MID1: variants seen among roughly 807,000 people sequenced by gnomAD.
MID1 encodes the protein midline 1, also known as E3 ubiquitin-protein ligase Midline-1.
MID1 carries 7 observed loss-of-function variants against 40.4 expected under a neutral mutation model. That is an observed-to-expected ratio of 0.17 (90% CI 0.10 to 0.33). The LOEUF (loss-of-function observed/expected upper bound fraction) is 0.33, where lower values mean the gene tolerates loss of function less well. Among genes scored for constraint, MID1 ranks in the 10% least tolerant of loss-of-function variants. MID1 has a pLI of 1.00. For missense variants in MID1, 367 were observed against 558.5 expected (o/e 0.66, Z 3.46); for synonymous variants, 229 against 221.2 (o/e 1.04, Z -0.31).
At chrX:10,749,034 G>A (rs888803120) in intron 1 of MID1, among the ~76,000 whole-genome samples, 4 of 111,453 alleles carry the variant, frequency 3.6e-5, no homozygotes, top group African/African-American at 6.5e-5. Flanking sequence ...GTGCATAGCT[G>A]CACTGCATAG....
chrX:10,735,625 G>A (rs907357517), intron 1 of MID1, among the ~76,000 whole-genome samples: 4 of 112,020 alleles, frequency 3.6e-5, no homozygotes, highest in South Asian at 3.7e-4. Flanking sequence ...CTTATCCTTC[G>A]AACTTCAAAA....
intron 1 of MID1, among the ~76,000 whole-genome samples, chrX:10,783,313 C>T (rs1569169026): frequency 9.0e-6 from 1 of 111,658 alleles, no homozygotes; most frequent in Non-Finnish European, 1.9e-5. Flanking sequence ...TTAAATTTAT[C>T]CATTTTTTAA....
intron 2 of MID1, among the ~76,000 whole-genome samples, chrX:10,534,668 C>T (rs1933173529): frequency 9.0e-6 from 1 of 111,504 alleles, no homozygotes; most frequent in African/African-American, 3.3e-5. Flanking sequence ...AGGAAAGGTT[C>T]GTAGCTTTCA....
intron 7 of MID1, among the ~76,000 whole-genome samples, chrX:10,462,378 C>G (rs1192768391): frequency 1.8e-5 from 2 of 111,955 alleles, no homozygotes; most frequent in African/African-American, 6.5e-5. Flanking sequence ...GCCAGCACCA[C>G]CTAACTTCTT....
At chrX:10,629,254 G>T (rs1936027560) in intron 1 of MID1, among the ~76,000 whole-genome samples, 1 of 109,875 alleles carries the variant, frequency 9.1e-6, no homozygotes, top group Admixed American at 9.6e-5. Context: ...CTGTTGTGCA[G>T]TGGCGTGATC....
intron 1 of MID1, among the ~76,000 whole-genome samples, chrX:10,831,966 T>C (rs1013315781): frequency 6.2e-5 from 7 of 112,574 alleles, no homozygotes; most frequent in African/African-American, 2.3e-4. Context: ...TTAAACCATC[T>C]GTTATTAACT....
intron 1 of MID1, 147 bp from the exon 2 acceptor site, chrX:10,567,750 C>A: frequency 2.3e-6 from 1 of 438,319 alleles, no homozygotes; most frequent in Non-Finnish European, 3.9e-6. Flanking sequence ...TTTCTATTCA[C>A]TGGGGAAAAA....
At chrX:10,772,853 T>C (rs2043779805) in intron 1 of MID1, among the ~76,000 whole-genome samples, 1 of 110,529 alleles carries the variant, frequency 9.0e-6, no homozygotes, top group Admixed American at 9.7e-5. Flanking sequence ...TGAGATATGT[T>C]GAATGATTTG....
chrX:10,459,921 T>G, intron 7 of MID1, 114 bp from the exon 8 acceptor site: 1 of 834,330 alleles, frequency 1.2e-6, no homozygotes, highest in South Asian at 2.1e-5. Flanking sequence ...GTGAAGTGCT[T>G]TGTCTTGGTA....
intron 1 of MID1, among the ~76,000 whole-genome samples, chrX:10,584,066 G>C (rs1935081040): frequency 9.1e-6 from 1 of 110,273 alleles, no homozygotes; most frequent in African/African-American, 3.3e-5. Flanking sequence ...GCAGGTTAGG[G>C]GCCTGGTATC....
Position 10,457,456 on chromosome X carries a change from C to T in MID1, c.1447+2190G>A, listed in dbSNP as rs755798652. Among the ~76,000 whole-genome samples, 5 of 112,329 alleles carry T rather than the reference C, an allele frequency of 4.5e-5. No homozygotes were observed. The Admixed American group carries it at 4.7e-4, about 11-fold the overall frequency. ...ATTAGTTCAAGAAAGAGATTAATAGCTTACTTTACTAAATAATTCAATTCA... is the reference window on the plus strand; with the variant it reads ...ATTAGTTCAAGAAAGAGATTAATAGTTTACTTTACTAAATAATTCAATTCA... On this transcript the variant is annotated intron_variant, in intron 8 of 9. Transcript: ENST00000317552.
At chrX:10,517,395 T>C (rs1416023218) in intron 3 of MID1, among the ~76,000 whole-genome samples, 1 of 112,332 alleles carries the variant, frequency 8.9e-6, no homozygotes, top group Non-Finnish European at 1.9e-5. Flanking sequence ...ATGGCCTTTT[T>C]GGAGTTTCCT....
chrX:10,533,101 T>A (rs1933041993), intron 2 of MID1, among the ~76,000 whole-genome samples: 2 of 109,482 alleles, frequency 1.8e-5, no homozygotes, highest in Non-Finnish European at 3.8e-5. Context: ...TAATTTTTTT[T>A]AAAATGAAAA....
chrX:10,593,760 C>T (rs1021620863), intron 1 of MID1, among the ~76,000 whole-genome samples: 4 of 82,085 alleles, frequency 4.9e-5, no homozygotes, highest in African/African-American at 1.6e-4. Context: ...CTCTGTCCCT[C>T]TGACACACAC....
At chrX:10,583,644 C>T (rs1170418200) in intron 1 of MID1, among the ~76,000 whole-genome samples, 5 of 112,238 alleles carry the variant, frequency 4.5e-5, no homozygotes, top group East Asian at 2.8e-4. Context: ...AGAAAAGCCA[C>T]GAACACTTAG....
intron 1 of MID1, among the ~76,000 whole-genome samples, chrX:10,801,103 C>CA (rs1258420556): frequency 8.1e-4 from 79 of 97,631 alleles, no homozygotes; most frequent in South Asian, 3.1e-3. Context: ...GACTCAGATT[C>CA]AAAAAAAAAA....
intron 1 of MID1, among the ~76,000 whole-genome samples, chrX:10,654,561 A>G (rs763811138): frequency 8.9e-6 from 1 of 111,735 alleles, no homozygotes; most frequent in Non-Finnish European, 1.9e-5. Flanking sequence ...TTGCGCTCCT[A>G]TGAGAGTCTA....
intron 1 of MID1, among the ~76,000 whole-genome samples, chrX:10,816,888 A>C (rs1431850164): frequency 2.7e-5 from 3 of 111,964 alleles, no homozygotes; most frequent in African/African-American, 9.7e-5. Context: ...TTTGTCATGG[A>C]ACAATGAAGG....
At chrX:10,592,798 T>C (rs1935335707) in intron 1 of MID1, among the ~76,000 whole-genome samples, 1 of 111,251 alleles carries the variant, frequency 9.0e-6, no homozygotes, top group South Asian at 3.8e-4. Flanking sequence ...ACAATAAAAA[T>C]ATGATCAAAT....
Sources: gnomAD v4.1 joint callset for allele counts (sites outside exome capture counted in the v4.1 genomes callset) on GRCh38, gnomAD v4.1.1 for gene constraint, MANE v1.5 for transcripts, NCBI Gene and HGNC (gene_info 2026-07-23, HGNC 2026-07-21) for gene names.